NEGR1: variants seen among roughly 807,000 people sequenced by gnomAD.
The protein encoded by NEGR1 is IgLON family member 4.
In NEGR1, 10 loss-of-function variants were observed where a neutral mutation model predicts 40.9. The observed-to-expected ratio is 0.24, with a 90% CI of 0.15 to 0.42. The LOEUF (loss-of-function observed/expected upper bound fraction) is 0.42. Ranked by LOEUF, NEGR1 falls within the 10% of genes least tolerant of loss-of-function variation. NEGR1 has a pLI of 1.00. For synonymous variants in NEGR1, 185 were observed against 166.8 expected, an observed-to-expected ratio of 1.11 and a Z score of -0.84; for missense variants, 352 against 438.9, an observed-to-expected ratio of 0.80 and a Z score of 1.77.
At chr1:72,152,825 C>T (rs938849876) in intron 1 of NEGR1, among the ~76,000 whole-genome samples, 2 of 151,896 alleles carry the variant, frequency 1.3e-5, no homozygotes, top group African/African-American at 4.8e-5. Context: ...AAATTATGTC[C>T]TTTGCAGAAA....
chr1:72,264,767 T>G (rs1476081561), intron 1 of NEGR1, among the ~76,000 whole-genome samples: 1 of 150,828 alleles, frequency 6.6e-6, no homozygotes, highest in Non-Finnish European at 1.5e-5. Flanking sequence ...CGTTTAATAA[T>G]GCATAGACTT....
chr1:72,208,961 T>G (rs1653503648), intron 1 of NEGR1, among the ~76,000 whole-genome samples: 2 of 151,642 alleles, frequency 1.3e-5, no homozygotes. Flanking sequence ...ATATTGTAAG[T>G]TTCTTGCTTG....
At chr1:71,760,850 T>C (rs1406720987) in intron 3 of NEGR1, among the ~76,000 whole-genome samples, 1 of 152,158 alleles carries the variant, frequency 6.6e-6, no homozygotes, top group Non-Finnish European at 1.5e-5. Context: ...CTCTCAGCAT[T>C]TCTAAGAAGT....
intron 6 of NEGR1, among the ~76,000 whole-genome samples, chr1:71,433,659 C>G (rs1646484033): frequency 2.0e-5 from 3 of 152,186 alleles, no homozygotes; most frequent in Admixed American, 6.5e-5. Context: ...GACTTAATCA[C>G]TACCACGAGA....
intron 6 of NEGR1, among the ~76,000 whole-genome samples, chr1:71,473,595 TA>T (rs1189668491): frequency 1.3e-5 from 2 of 152,118 alleles, no homozygotes; most frequent in Non-Finnish European, 2.9e-5. Context: ...CTATGCAGTA[TA>T]AAAATAGTAT....
At chr1:71,442,578 C>T (rs1002760313) in intron 6 of NEGR1, among the ~76,000 whole-genome samples, 3 of 152,104 alleles carry the variant, frequency 2.0e-5, no homozygotes, top group Non-Finnish European at 4.4e-5. Flanking sequence ...TGTGCAACTG[C>T]ACTCCAGCTT....
intron 1 of NEGR1, among the ~76,000 whole-genome samples, chr1:71,954,488 A>G (rs568546181): frequency 1.4e-4 from 21 of 152,092 alleles, no homozygotes; most frequent in African/African-American, 4.8e-4. Context: ...AATTTAAATT[A>G]TCATAGTAAC....
chr1:72,217,067 C>G (rs1442547150), intron 1 of NEGR1, among the ~76,000 whole-genome samples: 1 of 151,588 alleles, frequency 6.6e-6, no homozygotes, highest in Admixed American at 6.6e-5. Flanking sequence ...ATATTAGTAT[C>G]CAGATTAAAC....
At chr1:72,282,265 G>A (rs1656284755) in intron 1 of NEGR1, 54 bp downstream of exon 1, 1 of 1,598,682 alleles carries the variant, frequency 6.3e-7, no homozygotes, top group Non-Finnish European at 8.5e-7. Flanking sequence ...AGGGTTCAAA[G>A]AGAGACAGAA....
intron 1 of NEGR1, among the ~76,000 whole-genome samples, chr1:72,078,251 A>C (rs1193415661): frequency 6.6e-6 from 1 of 152,180 alleles, no homozygotes; most frequent in Non-Finnish European, 1.5e-5. Flanking sequence ...TGTAAACATC[A>C]AACCAGAAAA....
At chr1:71,955,769 G>T (rs1176421471) in intron 1 of NEGR1, among the ~76,000 whole-genome samples, 1 of 152,090 alleles carries the variant, frequency 6.6e-6, no homozygotes, top group African/African-American at 2.4e-5. Flanking sequence ...CACTGACCAG[G>T]AGACACATCT....
At chr1:71,933,121 C>A (rs942809082) in intron 2 of NEGR1, among the ~76,000 whole-genome samples, 2 of 152,018 alleles carry the variant, frequency 1.3e-5, no homozygotes, top group Admixed American at 6.6e-5. Flanking sequence ...ACTGAAGGAA[C>A]ATTCAATAAG....
chr1:71,897,545 G>T (rs1274859572), intron 2 of NEGR1, among the ~76,000 whole-genome samples: 1 of 152,144 alleles, frequency 6.6e-6, no homozygotes, highest in Non-Finnish European at 1.5e-5. Context: ...AAATGAAATT[G>T]TAAGTTTGTA....
chr1:72,020,695 C>T (rs777670293), intron 1 of NEGR1, among the ~76,000 whole-genome samples: 17 of 152,132 alleles, frequency 1.1e-4, no homozygotes, highest in Non-Finnish European at 2.1e-4. Flanking sequence ...ACGACTACAA[C>T]AACCACCACC....
intron 3 of NEGR1, among the ~76,000 whole-genome samples, chr1:71,700,038 G>T (rs928814100): frequency 6.6e-6 from 1 of 151,876 alleles, no homozygotes; most frequent in African/African-American, 2.4e-5. Flanking sequence ...CAGTGCGAAA[G>T]CGAACTAATA....
At chr1:71,650,546 C>G (rs1019259013) in intron 4 of NEGR1, among the ~76,000 whole-genome samples, 5 of 152,144 alleles carry the variant, frequency 3.3e-5, no homozygotes, top group African/African-American at 1.2e-4. Context: ...TAAACAAACG[C>G]TGTGTTTTTA....
intron 2 of NEGR1, among the ~76,000 whole-genome samples, chr1:71,841,513 C>A (rs542956350): frequency 6.6e-6 from 1 of 152,114 alleles, no homozygotes; most frequent in South Asian, 2.1e-4. Flanking sequence ...TCGCATCCTG[C>A]CTTTTCAGTT....
At chr1:71,737,734 G>T (rs1405505474) in intron 3 of NEGR1, among the ~76,000 whole-genome samples, 1 of 152,136 alleles carries the variant, frequency 6.6e-6, no homozygotes, top group Non-Finnish European at 1.5e-5. Context: ...TTCAGTCTTT[G>T]TTCTTACAGG....
intron 6 of NEGR1, among the ~76,000 whole-genome samples, chr1:71,458,131 T>C (rs1011627830): frequency 6.6e-6 from 1 of 152,334 alleles, no homozygotes; most frequent in African/African-American, 2.4e-5. Context: ...TTGTACCACA[T>C]TGCTACTCTG....
Sources: gnomAD v4.1 joint callset for allele counts (sites outside exome capture counted in the v4.1 genomes callset) on GRCh38, gnomAD v4.1.1 for gene constraint, MANE v1.5 for transcripts, NCBI Gene and HGNC (gene_info 2026-07-23, HGNC 2026-07-21) for gene names.